Variants in ERG observed in about 807,000 individuals in gnomAD.
ERG encodes ETS transcription factor ERG, also known as transcriptional regulator ERG.
Under a neutral mutation model 55.3 loss-of-function variants are expected in ERG, and 9 were observed. The observed-to-expected ratio is 0.16, with a 90% confidence interval of 0.10 to 0.28. ERG has a LOEUF of 0.28. Ranked by LOEUF, ERG falls within the 10% of genes least tolerant of loss-of-function variation. The pLI is 1.00. For missense variants in ERG, 434 were observed against 631.6 expected (o/e 0.69, Z 3.35); for synonymous variants, 223 against 237.3 (o/e 0.94, Z 0.55).
rs183369426 is a variant in ERG at position 38,491,300 on chromosome 21, G to C, written c.18+7063C>G. ...TGCTGGCTGACGATCTGAATGAATG[G>C]CCTTGGGGGGAATGTGAATGTGGAG... On this transcript the variant is annotated intron_variant, in intron 1 of 9. Coordinates refer to ENST00000288319, the MANE Select transcript of ERG (RefSeq NM_182918.4). Among the ~76,000 whole-genome samples, 430 of 152,218 alleles carry C rather than the reference G, an allele frequency of 2.8e-3. 1 individual carries two copies. The highest frequency in any genetic ancestry group is 9.9e-3 in the African/African-American group (410 of 41,536).
chr21:38,501,257 C>T (rs1221088246), upstream of ERG, among the ~76,000 whole-genome samples: 3 of 151,518 alleles, frequency 2.0e-5, no homozygotes, highest in Admixed American at 6.6e-5. Context: ...TTAGTAGAGA[C>T]GGGGTTTCAC....
At chr21:38,623,320 A>ACC (rs1360646755) in intron 1 of ERG, among the ~76,000 whole-genome samples, 1 of 98,182 alleles carries the variant, frequency 1.0e-5, no homozygotes, top group Non-Finnish European at 2.2e-5. Context: ...CCACATACGC[A>ACC]CCACACACAC....
chr21:38,430,033 T>C (rs1039966323), intron 2 of ERG, among the ~76,000 whole-genome samples: 3 of 152,206 alleles, frequency 2.0e-5, no homozygotes, highest in Admixed American at 6.5e-5. Flanking sequence ...TACATTCCCA[T>C]TGGCAGTGTA....
At chr21:38,608,801 C>G (rs1290230277) in intron 1 of ERG, among the ~76,000 whole-genome samples, 1 of 152,146 alleles carries the variant, frequency 6.6e-6, no homozygotes, top group Non-Finnish European at 1.5e-5. Context: ...CCTCACCCTC[C>G]AGATTCCCAC....
chr21:38,476,809 G>A (rs1216136891), intron 1 of ERG, among the ~76,000 whole-genome samples: 1 of 152,070 alleles, frequency 6.6e-6, no homozygotes, highest in South Asian at 2.1e-4. Context: ...GTGGGCAATG[G>A]CTCTGTTCAT....
intron 2 of ERG, among the ~76,000 whole-genome samples, chr21:38,518,866 T>A (rs1705216786): frequency 6.6e-6 from 1 of 151,854 alleles, no homozygotes; most frequent in African/African-American, 2.4e-5. Context: ...ATGCATGGAG[T>A]GGAAGATGAT....
At chr21:38,455,374 G>C (rs1428450983) in intron 1 of ERG, among the ~76,000 whole-genome samples, 1 of 152,058 alleles carries the variant, frequency 6.6e-6, no homozygotes, top group African/African-American at 2.4e-5. Context: ...GGTGATTCAA[G>C]GCTTGAGAAA....
At chr21:38,519,976 T>C (rs1568877413) in intron 2 of ERG, among the ~76,000 whole-genome samples, 1 of 151,778 alleles carries the variant, frequency 6.6e-6, no homozygotes, top group Non-Finnish European at 1.5e-5. Context: ...GTTTGTATGA[T>C]ATCCCCATGT....
chr21:38,622,931 C>CCACACA (rs1158610576), intron 1 of ERG, among the ~76,000 whole-genome samples: 28 of 122,836 alleles, frequency 2.3e-4, no homozygotes, highest in African/African-American at 4.0e-4. Flanking sequence ...CCATACCACA[C>CCACACA]CACACACACA....
At position 38,460,007 on chromosome 21, in the gene ERG, C is replaced by T. The variant is rs56055126; in HGVS notation, c.19-14386G>A. On this transcript the variant is annotated intron_variant, in intron 1 of 9. Transcript: ENST00000288319. The surrounding 1 kb of genome is among the most constrained non-coding windows in gnomAD (Gnocchi z 5.0). Reference sequence around the variant, plus strand: ...AAGAAACAGAAGGCAGAACTAGAGACTCAGGAAAAGAGAGGTAAACTGCTG... The same window carrying T: ...AAGAAACAGAAGGCAGAACTAGAGATTCAGGAAAAGAGAGGTAAACTGCTG... Among the ~76,000 whole-genome samples the T allele has an allele frequency of 3.9e-5, 6 of 152,140 alleles. No homozygotes were observed. The highest frequency in any genetic ancestry group is 2.9e-5 in the Non-Finnish European group (2 of 68,028).
At chr21:38,620,477 A>T (rs189301719) in intron 1 of ERG, among the ~76,000 whole-genome samples, 5 of 152,304 alleles carry the variant, frequency 3.3e-5, no homozygotes, top group African/African-American at 4.8e-5. Flanking sequence ...TTTGAACATG[A>T]CCAATAAAAA....
At chr21:38,492,151 C>G (rs2059341806) in intron 1 of ERG, among the ~76,000 whole-genome samples, 1 of 152,146 alleles carries the variant, frequency 6.6e-6, no homozygotes, top group East Asian at 1.9e-4. Flanking sequence ...AGAAGGGAGA[C>G]AGATTTGTGT....
chr21:38,570,191 T>C (rs1490973043), intron 2 of ERG, among the ~76,000 whole-genome samples: 1 of 152,194 alleles, frequency 6.6e-6, no homozygotes, highest in Non-Finnish European at 1.5e-5. Context: ...CTGTGCCACA[T>C]AAAAACATCA....
At chr21:38,599,413 C>A (rs1016826742) in intron 1 of ERG, among the ~76,000 whole-genome samples, 5 of 152,204 alleles carry the variant, frequency 3.3e-5, no homozygotes, top group African/African-American at 4.8e-5. Flanking sequence ...CCCTCCCATG[C>A]ATTCCATGAA....
intron 1 of ERG, among the ~76,000 whole-genome samples, chr21:38,461,874 G>A (rs1040975806): frequency 2.6e-5 from 4 of 152,062 alleles, no homozygotes; most frequent in South Asian, 4.2e-4. Flanking sequence ...GTGTGATCTC[G>A]GCTCACTGCA....
chr21:38,419,638 A>G (rs1989447040), intron 3 of ERG, among the ~76,000 whole-genome samples: 1 of 152,116 alleles, frequency 6.6e-6, no homozygotes, highest in Non-Finnish European at 1.5e-5. Context: ...GTGCTCTTTC[A>G]TATGTATCTA....
At chr21:38,518,328 A>G (rs2059568834) in intron 2 of ERG, among the ~76,000 whole-genome samples, 1 of 152,128 alleles carries the variant, frequency 6.6e-6, no homozygotes, top group Non-Finnish European at 1.5e-5. Flanking sequence ...ATCTTAAAAA[A>G]AAGAGTGAGG....
intron 3 of ERG, among the ~76,000 whole-genome samples, chr21:38,416,405 A>C (rs1264475294): frequency 6.6e-6 from 1 of 152,202 alleles, no homozygotes; most frequent in African/African-American, 2.4e-5. Context: ...GAAAGGAAAA[A>C]TTATTTCCCC....
At chr21:38,602,477 A>G (rs1170202855) in intron 1 of ERG, among the ~76,000 whole-genome samples, 5 of 151,982 alleles carry the variant, frequency 3.3e-5, no homozygotes, top group Non-Finnish European at 5.9e-5. Context: ...AAATAAGTAA[A>G]CCAAAACAGT....
Sources: allele counts gnomAD v4.1 joint callset (sites outside exome capture counted in the v4.1 genomes callset), GRCh38; gene constraint gnomAD v4.1.1; non-coding constraint Gnocchi (gnomAD v3.1); transcripts MANE v1.5; gene names NCBI Gene and HGNC (gene_info 2026-07-23, HGNC 2026-07-21).